TMEM223: variants seen among roughly 807,000 people sequenced by gnomAD.
The protein encoded by TMEM223 is transmembrane protein 223.
In TMEM223, 14 loss-of-function variants were observed where a neutral mutation model predicts 14.1. That is an observed-to-expected ratio of 0.99 (90% CI 0.66 to 1.55). The LOEUF is 1.55. Ranked by LOEUF, TMEM223 falls within the 40% of genes most tolerant of loss-of-function variation. TMEM223 has a pLI of 0.00. For missense variants in TMEM223, 346 were observed against 269.9 expected (o/e 1.28, Z -1.97); for synonymous variants, 145 against 120.5 (o/e 1.20, Z -1.33).
downstream of TMEM223, chr11:62,786,850 C>T (rs770371343): frequency 1.1e-5 from 17 of 1,595,532 alleles, no homozygotes; most frequent in Middle Eastern, 2.0e-4. Context: ...CAAGAAGGAG[C>T]CGGCGGCAGC....
At chr11:62,787,834 C>A, downstream of TMEM223, 1 of 653,350 alleles carries the variant, frequency 1.5e-6, no homozygotes, top group Non-Finnish European at 2.8e-6. Flanking sequence ...AAACAGAAGT[C>A]AGTGCAGAAC....
downstream of TMEM223, chr11:62,789,072 G>C: frequency 1.2e-6 from 2 of 1,614,138 alleles, no homozygotes; most frequent in Non-Finnish European, 1.7e-6. Context: ...ACCCTGAATG[G>C]CTCCTCCCTG....
At chr11:62,778,785 T>C (rs963366077) in intron 1 of TMEM223, 2 of 1,120,212 alleles carry the variant, frequency 1.8e-6, no homozygotes, top group Non-Finnish European at 2.7e-6. Context: ...TGTGTGGGGA[T>C]GGTGGTTGAG....
downstream of TMEM223, among the ~76,000 whole-genome samples, chr11:62,788,424 GC>G (rs1447395906): frequency 6.6e-6 from 1 of 151,320 alleles, no homozygotes; most frequent in African/African-American, 2.4e-5. Context: ...AAAAACACTG[GC>G]CGGGCCTGGT....
intron 1 of TMEM223, 97 bp downstream of exon 1, chr11:62,791,582 T>A: frequency 1.5e-6 from 2 of 1,369,614 alleles, no homozygotes; most frequent in African/African-American, 1.5e-5. Context: ...CGCCCGCCAC[T>A]CTCGGATAGG....
downstream of TMEM223, chr11:62,786,482 A>C: frequency 6.3e-7 from 1 of 1,578,608 alleles, no homozygotes; most frequent in South Asian, 1.1e-5. Context: ...AGGTTCCTCG[A>C]ATTTTTTGCC....
intron 1 of TMEM223, chr11:62,782,053 G>A: frequency 1.3e-6 from 2 of 1,590,996 alleles, no homozygotes; most frequent in Non-Finnish European, 1.7e-6. Context: ...AGTGCTGTCA[G>A]AATGGTGGGC....
At chr11:62,776,058 C>T (rs1017167078) in intron 1 of TMEM223, 6 of 1,224,160 alleles carry the variant, frequency 4.9e-6, no homozygotes, top group African/African-American at 1.5e-5. Context: ...CAGTCCATGC[C>T]TTTACAGAAC....
chr11:62,789,046 C>G, downstream of TMEM223: 1 of 1,614,052 alleles, frequency 6.2e-7, no homozygotes, highest in South Asian at 1.1e-5. Flanking sequence ...GTAGATGTCC[C>G]CTGTATGGTG....
chr11:62,787,669 G>C (rs74575252), downstream of TMEM223: 3,802 of 1,111,734 alleles, frequency 3.4e-3, 78 homozygotes, highest in African/African-American at 0.051. Flanking sequence ...GCCTGTACCT[G>C]AAATGCAGCG....
chr11:62,782,397 A>C, intron 1 of TMEM223: 2 of 1,533,998 alleles, frequency 1.3e-6, no homozygotes, highest in South Asian at 2.3e-5. Flanking sequence ...GGGGTAAGGA[A>C]ATGGGGCGAA....
intron 1 of TMEM223, chr11:62,776,307 T>C (rs1199430236): frequency 6.9e-7 from 1 of 1,454,998 alleles, no homozygotes; most frequent in Non-Finnish European, 9.6e-7. Context: ...CTCTCCAGTC[T>C]GGCCCACTTC....
At chr11:62,786,414 C>A, downstream of TMEM223, 1 of 1,607,576 alleles carries the variant, frequency 6.2e-7, no homozygotes, top group Non-Finnish European at 8.5e-7. Context: ...TTCCAGCCTC[C>A]CTTCCCTGCA....
chr11:62,786,912 C>T, downstream of TMEM223: 3 of 1,506,508 alleles, frequency 2.0e-6, no homozygotes, highest in African/African-American at 1.4e-5. Flanking sequence ...CCATAGTCAG[C>T]CCGCACGGCG....
At chr11:62,787,445 G>A (rs771398878), downstream of TMEM223, 3 of 1,568,920 alleles carry the variant, frequency 1.9e-6, no homozygotes, top group Middle Eastern at 1.7e-4. Context: ...GCGCTGTCCT[G>A]GCTGCAGCGC....
downstream of TMEM223, chr11:62,786,628 C>T (rs1242284975): frequency 2.5e-6 from 4 of 1,601,968 alleles, no homozygotes; most frequent in Non-Finnish European, 3.4e-6. Context: ...GGACAGCCTT[C>T]TCTTTCAAGA....
At chr11:62,785,655 C>T (rs1425011100), downstream of TMEM223, among the ~76,000 whole-genome samples, 2 of 151,968 alleles carry the variant, frequency 1.3e-5, no homozygotes, top group Non-Finnish European at 2.9e-5. Context: ...CTGCCTCAGC[C>T]TCCCAAGTAG....
At position 62,790,105 on chromosome 11, in the gene TMEM223, C is replaced by T; in HGVS notation, c.*518G>A. 2.0e-6 allele frequency: 3 copies of T among 1,507,834 alleles called. No individual in the cohort carries two copies. Among genetic ancestry groups the T allele is most frequent in the Non-Finnish European group, 1.8e-6 (2 of 1,127,728 alleles). The allele number at this position is 1,507,834 out of a possible 1,614,324, so 93.4% of individuals were successfully genotyped here. A position where few individuals can be genotyped will look rare whatever the true frequency, so the allele number is the denominator to read the frequency against. On this transcript the variant is annotated 3_prime_UTR_variant, in exon 2 of 2. Transcript: ENST00000307366. ...CTCCATGCCCAAGTGCCTGTAATCC[C>T]CCCCCTCAAGGCCCTGTTTATGTTG...
At chr11:62,787,176 C>G (rs775213364), downstream of TMEM223, 12 of 1,585,744 alleles carry the variant, frequency 7.6e-6, no homozygotes, top group Non-Finnish European at 1.0e-5. Context: ...CTGCCTTCCC[C>G]GCGCCGTACG....
Sources: gnomAD v4.1 joint callset for allele counts (sites outside exome capture counted in the v4.1 genomes callset) on GRCh38, gnomAD v4.1.1 for gene constraint, MANE v1.5 for transcripts, NCBI Gene and HGNC (gene_info 2026-07-23, HGNC 2026-07-21) for gene names.